Variants in CCDC141 observed in about 807,000 individuals in gnomAD.
CCDC141 encodes the protein coiled-coil domain-containing protein 141.
CCDC141 carries 168 observed loss-of-function variants against 181.0 expected under a neutral mutation model. That is an observed-to-expected ratio of 0.93 (90% CI 0.82 to 1.05). The LOEUF (loss-of-function observed/expected upper bound fraction) is 1.05, where lower values mean the gene tolerates loss of function less well. CCDC141 is among the 50% of genes least tolerant of loss of function. CCDC141 has a pLI of 0.00. For synonymous variants in CCDC141, 666 were observed against 642.3 expected, an observed-to-expected ratio of 1.04 and a Z score of -0.56; for missense variants, 1,902 against 1,788.5, an observed-to-expected ratio of 1.06 and a Z score of -1.14.
At chr2:178,987,092 A>G (rs1691787799) in intron 2 of CCDC141, among the ~76,000 whole-genome samples, 1 of 144,716 alleles carries the variant, frequency 6.9e-6, no homozygotes, top group Non-Finnish European at 1.5e-5. Flanking sequence ...AGTAACCAAA[A>G]CAGCATGGTA....
At chr2:178,953,735 G>A (rs1273641890) in intron 5 of CCDC141, among the ~76,000 whole-genome samples, 1 of 152,124 alleles carries the variant, frequency 6.6e-6, no homozygotes, top group African/African-American at 2.4e-5. Flanking sequence ...GTAAGTCAAG[G>A]AACTTCCAGA....
chr2:179,004,190 C>T (rs1416318828), intron 2 of CCDC141, among the ~76,000 whole-genome samples: 2 of 152,082 alleles, frequency 1.3e-5, no homozygotes, highest in Admixed American at 1.3e-4. Context: ...TTTGTAGTTC[C>T]TTTGGGCTGA....
rs538531129 is a variant in CCDC141, at chr2:178,885,016, G to C, written c.1604C>G (p.Ser535Ter). The C allele has an allele frequency of 2.6e-6, 4 of 1,550,338 alleles. No homozygotes were observed. In the African/African-American group the frequency reaches 4.1e-5, roughly 16 times the overall value. Residue 535 changes from serine to a stop codon, truncating the protein, a stop_gained, in exon 11 of 24, where the codon TCA becomes TGA. Coordinates refer to ENST00000443758, the MANE Select transcript of CCDC141 (RefSeq NM_173648.4). LOFTEE classifies it high-confidence loss of function. ...KNEFVSDEMV[S>*]LSSKARWLAE... ...TAGCCATCTAGCTTTAGAGGAAAGT[G>C]ATACCATTTCATCAGATACAAATTC...
At chr2:178,962,868 T>C (rs1362728680) in intron 4 of CCDC141, among the ~76,000 whole-genome samples, 1 of 152,186 alleles carries the variant, frequency 6.6e-6, no homozygotes, top group Non-Finnish European at 1.5e-5. Context: ...TACTCTCTCC[T>C]GACCCTGAAC....
intron 2 of CCDC141, among the ~76,000 whole-genome samples, chr2:179,026,081 G>A (rs1409830536): frequency 6.6e-6 from 1 of 152,204 alleles, no homozygotes; most frequent in African/African-American, 2.4e-5. Context: ...CAGACAATGT[G>A]ATAGAAAATA....
chr2:178,964,727 C>T (rs188181698), intron 4 of CCDC141, among the ~76,000 whole-genome samples: 44 of 152,264 alleles, frequency 2.9e-4, no homozygotes, highest in Admixed American at 9.8e-4. Flanking sequence ...GCTATTTATT[C>T]CATCAGTTGA....
chr2:179,014,497 G>A (rs538589676), intron 2 of CCDC141, among the ~76,000 whole-genome samples: 1 of 152,118 alleles, frequency 6.6e-6, no homozygotes, highest in East Asian at 1.9e-4. Context: ...CCACAGAGGG[G>A]GAGAAAATCT....
rs1353833628 is a variant in CCDC141, at chr2:178,830,231, C to T, written c.*3942G>A. On this transcript the variant is annotated 3_prime_UTR_variant, in exon 24 of 24. Transcript: ENST00000443758. Reference sequence around the variant, plus strand: ...TTAAAATGTTGGAACAATATTGATCCAGGAACAACAATCCTGGACCTTTCC... The same window carrying T: ...TTAAAATGTTGGAACAATATTGATCTAGGAACAACAATCCTGGACCTTTCC... The T allele has an allele frequency of 6.6e-6, 1 of 152,146 alleles. No individual in the cohort carries two copies. Among genetic ancestry groups the T allele is most frequent in the East Asian group, 1.9e-4 (1 of 5,196 alleles). The allele number at this position is 152,146 out of a possible 1,614,324, so 9.4% of individuals were successfully genotyped here. A position where few individuals can be genotyped will look rare whatever the true frequency, so the allele number is the denominator to read the frequency against.
chr2:178,978,783 A>G (rs1691236806), intron 2 of CCDC141, 108 bp from the exon 3 acceptor site: 2 of 824,674 alleles, frequency 2.4e-6, no homozygotes, highest in Non-Finnish European at 3.5e-6. Context: ...TCTAGGAAAC[A>G]GAATTTATAA....
At position 178,837,315 on chromosome 2, in the gene CCDC141, A is replaced by G. The variant is rs766077395; in HGVS notation, c.3904T>C (p.Ser1302Pro). ...LQFKAEPPLT[S>P]RGFVEKSTAL... ...GTACTCTTTTCCACGAATCCTCTGG[A>G]GGTTAGTGGGGGCTCAGCTTTGAAC... The change falls in exon 23 of 24, where the codon TCC (serine) becomes CCC (proline). Residue 1302 changes from serine to proline, a missense_variant. Physicochemically the swap from Ser to Pro is moderately conservative, Grantham distance 74 (BLOSUM62 -1). Coordinates refer to ENST00000443758, the MANE Select transcript of CCDC141 (RefSeq NM_173648.4). The G allele has an allele frequency of 6.2e-7, 1 of 1,613,932 alleles. No homozygotes were observed. The highest frequency in any genetic ancestry group is 8.5e-7 in the Non-Finnish European group (1 of 1,179,948).
chr2:178,955,101 A>G (rs1690105519), intron 5 of CCDC141, among the ~76,000 whole-genome samples: 1 of 152,122 alleles, frequency 6.6e-6, no homozygotes, highest in Non-Finnish European at 1.5e-5. Context: ...CCTGGGCAAC[A>G]TGGTGAAATC....
At chr2:179,006,656 G>A (rs898893617) in intron 2 of CCDC141, among the ~76,000 whole-genome samples, 39 of 152,134 alleles carry the variant, frequency 2.6e-4, no homozygotes, top group African/African-American at 9.4e-4. Context: ...TCGTACAAGG[G>A]TTTAAAATTA....
At chr2:178,959,089 A>G (rs1690280134) in intron 5 of CCDC141, among the ~76,000 whole-genome samples, 1 of 151,860 alleles carries the variant, frequency 6.6e-6, no homozygotes, top group Non-Finnish European at 1.5e-5. Flanking sequence ...TGGGAACTGA[A>G]CAATGAGAAC....
intron 2 of CCDC141, among the ~76,000 whole-genome samples, chr2:179,007,892 A>C (rs775615203): frequency 6.6e-6 from 1 of 152,228 alleles, no homozygotes; most frequent in Admixed American, 6.5e-5. Context: ...TCCAGTTGTC[A>C]TCACTTAGAT....
intron 5 of CCDC141, among the ~76,000 whole-genome samples, chr2:178,951,417 G>A (rs1259468439): frequency 6.6e-6 from 1 of 152,094 alleles, no homozygotes; most frequent in East Asian, 1.9e-4. Context: ...CAAAGTTTTG[G>A]CCTGAACCTC....
intron 2 of CCDC141, among the ~76,000 whole-genome samples, chr2:179,020,928 T>C (rs913552186): frequency 6.6e-6 from 1 of 152,148 alleles, no homozygotes. Context: ...CGTGGTATGA[T>C]TTCAGGGATG....
rs550061451 is a variant in CCDC141 at position 178,896,288 on chromosome 2, G to T, written c.1266-7620C>A. 2.0e-5 allele frequency among the ~76,000 whole-genome samples: 3 copies of T among 152,230 alleles called. No homozygotes were observed. The East Asian group carries it at 5.8e-4, about 29-fold the overall frequency. ...TGTCTTGATCTCAGACTTTCGGATT[G>T]TGTCTCCCTTCTCTGAAGAAGTGAC... is the stretch of plus-strand genomic sequence containing the variant. On this transcript the variant is annotated intron_variant, in intron 8 of 23. Coordinates refer to ENST00000443758, the MANE Select transcript of CCDC141 (RefSeq NM_173648.4).
chr2:179,027,062 T>C lies in CCDC141; in HGVS notation c.225+20222A>G, dbSNP rs535577484. 2.0e-5 allele frequency among the ~76,000 whole-genome samples: 3 copies of C among 152,302 alleles called. No homozygotes were observed. In the East Asian group the frequency reaches 5.8e-4, roughly 29 times the overall value. The stretch of plus-strand genomic sequence containing the variant: ...GACTTGCCCCACCTCAGATGAGACG[T>C]TGGACTGTGGACTTTTGAGTTAATA... On this transcript the variant is annotated intron_variant, in intron 2 of 23. Transcript: ENST00000443758.
intron 17 of CCDC141, among the ~76,000 whole-genome samples, chr2:178,865,503 A>G (rs1197728125): frequency 6.6e-6 from 1 of 152,220 alleles, no homozygotes; most frequent in African/African-American, 2.4e-5. Context: ...AACCAAAAAA[A>G]CTGTACTACT....
Sources: allele counts gnomAD v4.1 joint callset (sites outside exome capture counted in the v4.1 genomes callset), GRCh38; gene constraint gnomAD v4.1.1; transcripts MANE v1.5; gene names NCBI Gene and HGNC (gene_info 2026-07-23, HGNC 2026-07-21).